VPS13B: variants seen among roughly 807,000 people sequenced by gnomAD.
The protein encoded by VPS13B is intermembrane lipid transfer protein VPS13B.
VPS13B carries 285 observed loss-of-function variants against 426.4 expected under a neutral mutation model. The observed-to-expected ratio is 0.67, with a 90% CI of 0.61 to 0.74. The LOEUF (loss-of-function observed/expected upper bound fraction) is 0.74, where lower values mean the gene tolerates loss of function less well. Among genes scored for constraint, VPS13B ranks in the 30% least tolerant of loss-of-function variants. The pLI is 0.00. For missense variants in VPS13B, 4,537 were observed against 4,782.6 expected, an observed-to-expected ratio of 0.95 and a Z score of 1.51; for synonymous variants, 1,676 against 1,676.4, an observed-to-expected ratio of 1.00 and a Z score of 0.01.
chr8:99,490,704 A>C (rs1289160350), intron 25 of VPS13B, among the ~76,000 whole-genome samples: 1 of 152,156 alleles, frequency 6.6e-6, no homozygotes, highest in Non-Finnish European at 1.5e-5. Flanking sequence ...TGTTTATAAT[A>C]TTCTCTGATG....
At chr8:99,828,063 T>C (rs1814799548) in intron 51 of VPS13B, among the ~76,000 whole-genome samples, 1 of 152,160 alleles carries the variant, frequency 6.6e-6, no homozygotes, top group Non-Finnish European at 1.5e-5. Flanking sequence ...TGATTTGGGG[T>C]GGAGAGTTCT....
chr8:99,502,749 G>T lies in VPS13B; in HGVS notation c.4043-87G>T. On this transcript the variant is annotated intron_variant, in intron 26 of 61. Coordinates refer to ENST00000357162, the MANE Select transcript of VPS13B (RefSeq NM_152564.5). ...CAGCGCCTCTGTACATATCCAGCAT[G>T]CATTTGTCAATGTGAAATGTAAAAT... 3.0e-6 allele frequency: 3 copies of T among 999,562 alleles called. No individual in the cohort carries two copies. In the South Asian group the frequency reaches 3.8e-5, roughly 13 times the overall value. 61.9% of individuals were successfully genotyped at this position (999,562 alleles called of 1,614,324 possible). A position where few individuals can be genotyped will look rare whatever the true frequency, so the allele number is the denominator to read the frequency against.
At chr8:99,556,042 A>G (rs1824545108) in intron 30 of VPS13B, among the ~76,000 whole-genome samples, 2 of 152,124 alleles carry the variant, frequency 1.3e-5, no homozygotes, top group South Asian at 2.1e-4. Context: ...AAAACCCTGT[A>G]TTTGTGTTGT....
rs1308218944 is a variant in VPS13B, at chr8:99,624,516, G to A, written c.5221-17295G>A. Reference sequence around the variant, plus strand: ...AATCCATCCCTGCTATTTATAAAATGTGTTCCTAAGGATAAAGTCAGCTGC... The same window carrying A: ...AATCCATCCCTGCTATTTATAAAATATGTTCCTAAGGATAAAGTCAGCTGC... On this transcript the variant is annotated intron_variant, in intron 33 of 61. Transcript: ENST00000357162. Among the ~76,000 whole-genome samples the A allele has an allele frequency of 3.3e-5, 5 of 152,238 alleles. No individual in the cohort carries two copies. The East Asian group carries it at 7.7e-4, about 24-fold the overall frequency.
chr8:99,697,950 C>A, intron 35 of VPS13B: 1 of 415,996 alleles, frequency 2.4e-6, no homozygotes. Flanking sequence ...AAGATTGTAG[C>A]GACCTTGGAG....
chr8:99,133,548 T>C (rs1460911299), intron 8 of VPS13B, among the ~76,000 whole-genome samples: 1 of 152,236 alleles, frequency 6.6e-6, no homozygotes, highest in Non-Finnish European at 1.5e-5. Context: ...CTGTCTTGGC[T>C]TTTACATCCC....
intron 24 of VPS13B, among the ~76,000 whole-genome samples, chr8:99,473,325 C>T (rs1252442777): frequency 6.6e-6 from 1 of 151,836 alleles, no homozygotes; most frequent in African/African-American, 2.4e-5. Context: ...TAATGGCCAA[C>T]TAGGAATTAT....
chr8:99,797,801 GTTGT>G (rs1171359696), intron 43 of VPS13B, among the ~76,000 whole-genome samples: 2 of 151,994 alleles, frequency 1.3e-5, no homozygotes, highest in Non-Finnish European at 2.9e-5. Flanking sequence ...GAAAATTTTT[GTTGT>G]TTATCATAAA....
chr8:99,301,387 A>C lies in VPS13B; in HGVS notation c.2824+26133A>C, dbSNP rs546355582. ...CGGCTCACCGCAACCTCCACCTTCC[A>C]GGTTCAAGCAATTCTCCTGCCTTAG... On this transcript the variant is annotated intron_variant, in intron 19 of 61. Transcript: ENST00000357162. 1.7e-3 allele frequency among the ~76,000 whole-genome samples: 258 copies of C among 150,806 alleles called. 2 individuals are homozygous for C. The highest frequency in any genetic ancestry group is 6.1e-3 in the South Asian group (29 of 4,776).
At chr8:99,240,993 A>G (rs893584495) in intron 17 of VPS13B, 4 of 152,448 alleles carry the variant, frequency 2.6e-5, no homozygotes, top group South Asian at 4.1e-4. Flanking sequence ...TAGCTGTAGT[A>G]TGCAGAGGAT....
Position 99,121,120 on chromosome 8 carries a change from T to C in VPS13B, c.938-57T>C. The C allele has an allele frequency of 2.6e-6, 4 of 1,530,416 alleles. No homozygotes were observed. In the South Asian group the frequency reaches 4.8e-5, roughly 18 times the overall value. 94.8% of individuals were successfully genotyped at this position (1,530,416 alleles called of 1,614,324 possible). A position where few individuals can be genotyped will look rare whatever the true frequency, so the allele number is the denominator to read the frequency against. Reference sequence around the variant, plus strand: ...AAAAATTTTAAAGGATGTCTATTTCTATTCTCTTAGTTAAATCCTTTTGAC... The same window carrying C: ...AAAAATTTTAAAGGATGTCTATTTCCATTCTCTTAGTTAAATCCTTTTGAC... On this transcript the variant is annotated intron_variant, in intron 7 of 61. Coordinates refer to ENST00000357162, the MANE Select transcript of VPS13B (RefSeq NM_152564.5).
chr8:99,700,052 G>A (rs142126851), intron 36 of VPS13B, 120 bp downstream of exon 36: 2 of 1,236,072 alleles, frequency 1.6e-6, no homozygotes, highest in East Asian at 2.5e-5. Flanking sequence ...AAGGCCATTA[G>A]AGATGAGGAC....
intron 58 of VPS13B, among the ~76,000 whole-genome samples, chr8:99,864,107 G>A (rs1321708557): frequency 6.6e-6 from 1 of 152,200 alleles, no homozygotes; most frequent in African/African-American, 2.4e-5. Flanking sequence ...GTGGCAAGAA[G>A]AACAAAGAGC....
chr8:99,660,722 C>T (rs1454419905), intron 34 of VPS13B, among the ~76,000 whole-genome samples: 1 of 151,562 alleles, frequency 6.6e-6, no homozygotes, highest in African/African-American at 2.4e-5. Flanking sequence ...TTTAAAAATA[C>T]ATAGTATTAA....
At chr8:99,126,223 T>G (rs1418612082) in intron 8 of VPS13B, among the ~76,000 whole-genome samples, 1 of 152,164 alleles carries the variant, frequency 6.6e-6, no homozygotes. Context: ...TTTGGATTAT[T>G]TTTTTCTTTA....
At chr8:99,536,356 ACCAT>A (rs1823223232) in intron 30 of VPS13B, among the ~76,000 whole-genome samples, 1 of 152,230 alleles carries the variant, frequency 6.6e-6, no homozygotes, top group Admixed American at 6.5e-5. Flanking sequence ...TCTGAATGCA[ACCAT>A]AAGGAAAAAA....
chr8:99,440,165 T>A (rs537662002), intron 22 of VPS13B, among the ~76,000 whole-genome samples: 7 of 152,196 alleles, frequency 4.6e-5, no homozygotes, highest in South Asian at 4.1e-4. Flanking sequence ...TGAAACAAGA[T>A]CCTTGAAACA....
intron 39 of VPS13B, among the ~76,000 whole-genome samples, chr8:99,766,563 T>A (rs1409901397): frequency 6.6e-6 from 1 of 152,240 alleles, no homozygotes; most frequent in African/African-American, 2.4e-5. Context: ...TTTGGCTGTT[T>A]TTATATATTA....
At chr8:99,463,350 T>G (rs1243378391) in intron 23 of VPS13B, among the ~76,000 whole-genome samples, 1 of 152,218 alleles carries the variant, frequency 6.6e-6, no homozygotes, top group Non-Finnish European at 1.5e-5. Flanking sequence ...CAGAAGTAAA[T>G]AATAGTTTTA....
Sources: allele counts gnomAD v4.1 joint callset (sites outside exome capture counted in the v4.1 genomes callset), GRCh38; gene constraint gnomAD v4.1.1; transcripts MANE v1.5; gene names NCBI Gene and HGNC (gene_info 2026-07-23, HGNC 2026-07-21).